The following TANGO6 variants were observed in gnomAD, a reference collection of about 807,000 sequenced individuals.
TANGO6 encodes transport and Golgi organization protein 6 homolog.
In TANGO6, 90 loss-of-function variants were observed where a neutral mutation model predicts 114.2. That is an observed-to-expected ratio of 0.79 (90% CI 0.66 to 0.94). The LOEUF (loss-of-function observed/expected upper bound fraction) is 0.94, where lower values mean the gene tolerates loss of function less well. TANGO6 is among the 40% of genes least tolerant of loss of function. TANGO6 has a pLI of 0.00. For synonymous variants in TANGO6, 477 were observed against 509.8 expected, an observed-to-expected ratio of 0.94 and a Z score of 0.87; for missense variants, 1,274 against 1,315.3, an observed-to-expected ratio of 0.97 and a Z score of 0.49.
chr16:68,919,345 A>G, intron 12 of TANGO6, 126 bp downstream of exon 12: 1 of 1,270,424 alleles, frequency 7.9e-7, no homozygotes, highest in Non-Finnish European at 1.1e-6. Flanking sequence ...TAGATAAAGA[A>G]GTTAGTTTGT....
chr16:68,933,751 C>T (rs1191906012), intron 14 of TANGO6: 1 of 152,180 alleles, frequency 6.6e-6, no homozygotes, highest in Non-Finnish European at 1.5e-5. Flanking sequence ...AGGCCCAACC[C>T]AAAAGTCAAG....
intron 14 of TANGO6, among the ~76,000 whole-genome samples, chr16:68,935,443 A>G (rs1963290329): frequency 6.6e-6 from 1 of 152,328 alleles, no homozygotes; most frequent in Non-Finnish European, 1.5e-5. Flanking sequence ...CAACGGCTAT[A>G]TATTGATGCC....
intron 1 of TANGO6, among the ~76,000 whole-genome samples, chr16:68,847,860 C>A (rs7202753): frequency 0.11 from 16,633 of 151,876 alleles, 929 homozygotes; most frequent in Non-Finnish European, 0.13. Flanking sequence ...ATTAGCTGGG[C>A]GTGGTGGCAT....
intron 17 of TANGO6, among the ~76,000 whole-genome samples, chr16:69,081,835 T>G (rs191977673): frequency 4.6e-4 from 69 of 150,686 alleles, no homozygotes; most frequent in Non-Finnish European, 8.3e-4. Context: ...TAGCAGACTT[T>G]TTTTTTTTTT....
At chr16:69,020,904 ATGTGTG>A (rs34350425) in intron 15 of TANGO6, among the ~76,000 whole-genome samples, 4,437 of 87,298 alleles carry the variant, frequency 0.051, 247 homozygotes, top group African/African-American at 0.12. Flanking sequence ...ATATGTATGT[ATGTGTG>A]TGTGTGTGTG....
At chr16:68,989,571 A>C (rs1963929108) in intron 15 of TANGO6, among the ~76,000 whole-genome samples, 1 of 152,086 alleles carries the variant, frequency 6.6e-6, no homozygotes, top group African/African-American at 2.4e-5. Flanking sequence ...TAAAATCCTT[A>C]TCTGATAACT....
intron 12 of TANGO6, among the ~76,000 whole-genome samples, chr16:68,924,238 T>C (rs1963136410): frequency 6.6e-6 from 1 of 152,258 alleles, no homozygotes; most frequent in African/African-American, 2.4e-5. Context: ...ATTGTCTTCA[T>C]TGTGCTCATT....
chr16:68,866,609 G>C (rs1302213758), intron 3 of TANGO6, among the ~76,000 whole-genome samples: 1 of 141,626 alleles, frequency 7.1e-6, no homozygotes, highest in Non-Finnish European at 1.5e-5. Flanking sequence ...CGGCCTGGGC[G>C]ACAGAGCAAG....
chr16:68,872,378 T>C (rs1006147796), intron 4 of TANGO6, among the ~76,000 whole-genome samples: 5 of 151,666 alleles, frequency 3.3e-5, no homozygotes, highest in Admixed American at 6.6e-5. Flanking sequence ...CTTTGCTCAC[T>C]GCAACCTCTG....
intron 15 of TANGO6, among the ~76,000 whole-genome samples, chr16:68,994,883 C>T (rs1418838209): frequency 2.6e-5 from 4 of 152,004 alleles, no homozygotes; most frequent in African/African-American, 4.8e-5. Flanking sequence ...CGGCACCCAG[C>T]TTATTTTGTA....
chr16:68,937,684 T>G (rs1361437688), intron 14 of TANGO6: 3 of 152,196 alleles, frequency 2.0e-5, no homozygotes, highest in African/African-American at 7.2e-5. Context: ...AGCATAATGT[T>G]TTTGAGGTTT....
intron 14 of TANGO6, among the ~76,000 whole-genome samples, chr16:68,936,569 A>C (rs1282191905): frequency 1.3e-5 from 2 of 152,158 alleles, no homozygotes; most frequent in Admixed American, 6.5e-5. Flanking sequence ...TTCTGACCTC[A>C]GGTGATCCAC....
At position 68,976,114 on chromosome 16, in the gene TANGO6, T is replaced by G. The variant is rs543666208; in HGVS notation, c.2842+1946T>G. ...CACACCTGGCTAATTTTTGTATTTT[T>G]GTAGAGATGGGGTTTTACCATGTTG... On this transcript the variant is annotated intron_variant, in intron 15 of 17. Coordinates refer to ENST00000261778, the MANE Select transcript of TANGO6 (RefSeq NM_024562.2). Among the ~76,000 whole-genome samples, 9 of 152,144 alleles carry G rather than the reference T, an allele frequency of 5.9e-5. No homozygotes were observed. The South Asian group carries it at 1.9e-3, about 32-fold the overall frequency.
intron 7 of TANGO6, among the ~76,000 whole-genome samples, chr16:68,890,518 C>T (rs1962598085): frequency 6.6e-6 from 1 of 152,244 alleles, no homozygotes; most frequent in Non-Finnish European, 1.5e-5. Context: ...CTTCCCTGTG[C>T]TCTTTCAGCT....
intron 3 of TANGO6, among the ~76,000 whole-genome samples, chr16:68,866,419 C>T (rs1276201312): frequency 1.3e-5 from 2 of 148,702 alleles, no homozygotes; most frequent in Admixed American, 6.7e-5. Context: ...GTCAGGAGAT[C>T]GAGACCATCC....
At chr16:68,981,367 C>CA (rs1479176732) in intron 15 of TANGO6, among the ~76,000 whole-genome samples, 3 of 151,856 alleles carry the variant, frequency 2.0e-5, no homozygotes, top group Non-Finnish European at 4.4e-5. Context: ...TGCACCACGA[C>CA]ACCTGGCTAA....
chr16:68,908,070 C>T (rs911125922), intron 10 of TANGO6, among the ~76,000 whole-genome samples: 6 of 152,120 alleles, frequency 3.9e-5, no homozygotes, highest in African/African-American at 1.4e-4. Context: ...GCTTGCTTTT[C>T]TTCTGTTCTC....
chr16:68,903,615 CAAAAA>C (rs1175415785), intron 9 of TANGO6, among the ~76,000 whole-genome samples: 5 of 59,264 alleles, frequency 8.4e-5, no homozygotes, highest in Admixed American at 4.3e-4. Flanking sequence ...GAGACCATCT[CAAAAA>C]AAAAAAAAAA....
At chr16:69,083,095 CTTTTTTTTTTTT>C (rs1201400628) in intron 17 of TANGO6, among the ~76,000 whole-genome samples, 2 of 120,266 alleles carry the variant, frequency 1.7e-5, no homozygotes, top group African/African-American at 3.4e-5. Flanking sequence ...GCATTATCTT[CTTTTTTTTTTTT>C]TTTTTTTTTC....
Sources: allele counts gnomAD v4.1 joint callset (sites outside exome capture counted in the v4.1 genomes callset), GRCh38; gene constraint gnomAD v4.1.1; transcripts MANE v1.5; gene names NCBI Gene and HGNC (gene_info 2026-07-23, HGNC 2026-07-21).